Variants in RBPMS observed in about 807,000 individuals in gnomAD.
The protein encoded by RBPMS is RNA-binding protein with multiple splicing.
In RBPMS, 7 loss-of-function variants were observed where a neutral mutation model predicts 26.8. The ratio of observed to expected loss-of-function variants is 0.26; its 90% confidence interval spans 0.15 to 0.49. RBPMS has a LOEUF of 0.49. Ranked by LOEUF, RBPMS falls within the 20% of genes least tolerant of loss-of-function variation. The pLI is 0.98. For synonymous variants in RBPMS, 96 were observed against 93.3 expected (o/e 1.03, Z -0.17); for missense variants, 186 against 250.0 (o/e 0.74, Z 1.73).
At chr8:30,477,702 G>C (rs1055351333) in intron 2 of RBPMS, 97 bp from the exon 3 acceptor site, 2 of 815,168 alleles carry the variant, frequency 2.5e-6, no homozygotes, top group Non-Finnish European at 4.2e-6. Context: ...ACATTTGTAG[G>C]AGGAGTTAGG....
At chr8:30,471,355 T>C (rs1034560970) in intron 1 of RBPMS, among the ~76,000 whole-genome samples, 3 of 152,202 alleles carry the variant, frequency 2.0e-5, no homozygotes, top group African/African-American at 7.2e-5. Context: ...AGATTTCAAG[T>C]AACCTCTGTT....
chr8:30,512,283 T>C (rs1200087005), intron 5 of RBPMS, among the ~76,000 whole-genome samples: 1 of 152,162 alleles, frequency 6.6e-6, no homozygotes, highest in Non-Finnish European at 1.5e-5. Context: ...TTTGTTTTTG[T>C]TTATTTTATA....
intron 5 of RBPMS, among the ~76,000 whole-genome samples, chr8:30,522,581 A>G (rs1007141044): frequency 6.6e-6 from 1 of 152,216 alleles, no homozygotes; most frequent in Non-Finnish European, 1.5e-5. Context: ...TTTAAACAAT[A>G]TATGTCAATT....
chr8:30,504,234 G>A, intron 4 of RBPMS, 52 bp from the exon 5 acceptor site: 1 of 1,606,112 alleles, frequency 6.2e-7, no homozygotes, highest in South Asian at 1.1e-5. Context: ...CACCATTCCG[G>A]TTTGACTCAA....
intron 3 of RBPMS, 126 bp downstream of exon 3, chr8:30,477,963 T>C (rs1817874297): frequency 1.5e-6 from 1 of 662,448 alleles, no homozygotes; most frequent in Non-Finnish European, 2.6e-6. Flanking sequence ...AAATTAAAAG[T>C]GAGATGTATT....
chr8:30,445,229 C>G (rs1442934419), intron 1 of RBPMS: 1 of 152,054 alleles, frequency 6.6e-6, no homozygotes, highest in Non-Finnish European at 1.5e-5. Flanking sequence ...CACATATTTA[C>G]CCAGTCTAAG....
At chr8:30,541,882 C>T (rs1456567763) in intron 5 of RBPMS, among the ~76,000 whole-genome samples, 1 of 152,196 alleles carries the variant, frequency 6.6e-6, no homozygotes, top group Non-Finnish European at 1.5e-5. Flanking sequence ...ACGCAAAAAG[C>T]TTATTCTGCT....
chr8:30,409,822 G>A (rs538720089), intron 1 of RBPMS, among the ~76,000 whole-genome samples: 1 of 151,738 alleles, frequency 6.6e-6, no homozygotes, highest in Non-Finnish European at 1.5e-5. Flanking sequence ...TAGTAGAGAC[G>A]GGGTTTCACC....
intron 1 of RBPMS, among the ~76,000 whole-genome samples, chr8:30,426,668 T>G (rs1416730771): frequency 1.3e-5 from 2 of 151,402 alleles, no homozygotes; most frequent in Non-Finnish European, 2.9e-5. Flanking sequence ...TCACTTTGCT[T>G]GCAGTGATTT....
At chr8:30,566,516 G>A (rs1197083833) in intron 8 of RBPMS, among the ~76,000 whole-genome samples, 156 bp downstream of exon 8, 3 of 152,090 alleles carry the variant, frequency 2.0e-5, no homozygotes, top group East Asian at 3.9e-4. Flanking sequence ...GCTCCAACAC[G>A]GCCTGCCAGG....
chr8:30,561,826 T>C, intron 7 of RBPMS: 1 of 983,094 alleles, frequency 1.0e-6, no homozygotes, highest in Non-Finnish European at 1.2e-6. Context: ...CCTTAAGAAT[T>C]TATGTAGGCC....
intron 1 of RBPMS, among the ~76,000 whole-genome samples, chr8:30,464,916 G>C (rs576912446): frequency 2.0e-5 from 3 of 152,028 alleles, no homozygotes; most frequent in Admixed American, 6.6e-5. Context: ...TACACCTTAG[G>C]GCATTAGAAT....
chr8:30,436,648 T>C (rs913702662), intron 1 of RBPMS, among the ~76,000 whole-genome samples: 3 of 152,222 alleles, frequency 2.0e-5, no homozygotes, highest in Non-Finnish European at 4.4e-5. Context: ...AGGACTGCAA[T>C]AGTTTTCTCA....
chr8:30,564,132 T>C (rs1358535225), intron 7 of RBPMS: 1 of 152,166 alleles, frequency 6.6e-6, no homozygotes, highest in Non-Finnish European at 1.5e-5. Flanking sequence ...TGCTTCAAGT[T>C]AGCAAAGCAG....
chr8:30,534,007 G>T lies in RBPMS; in HGVS notation c.398-10487G>T, dbSNP rs1824537583. On this transcript the variant is annotated intron_variant, in intron 5 of 8. Coordinates refer to ENST00000397323, the MANE Select transcript of RBPMS (RefSeq NM_001008710.3). ...AAATTAGCTGGGTGTGGTGGTGGGC[G>T]CCTGTAATCCCAGCTACTCGGGATG... 2.0e-5 allele frequency among the ~76,000 whole-genome samples: 3 copies of T among 152,156 alleles called. No individual in the cohort carries two copies. In the South Asian group the frequency reaches 6.2e-4, roughly 32 times the overall value.
At chr8:30,474,361 A>G (rs1260939982) in intron 1 of RBPMS, among the ~76,000 whole-genome samples, 1 of 152,160 alleles carries the variant, frequency 6.6e-6, no homozygotes, top group African/African-American at 2.4e-5. Context: ...GGAGTGGCAG[A>G]TTTACTGTGC....
At chr8:30,388,122 T>C (rs1238002997) in intron 1 of RBPMS, among the ~76,000 whole-genome samples, 2 of 152,172 alleles carry the variant, frequency 1.3e-5, no homozygotes, top group Admixed American at 6.5e-5. Flanking sequence ...CAATGTATTA[T>C]ACATGTGTGT....
intron 1 of RBPMS, among the ~76,000 whole-genome samples, chr8:30,451,753 G>A (rs1332460555): frequency 6.6e-6 from 1 of 152,122 alleles, no homozygotes. Context: ...TTTCATTCAT[G>A]GAGACATTTA....
intron 1 of RBPMS, among the ~76,000 whole-genome samples, chr8:30,409,950 T>G (rs1169134878): frequency 6.6e-6 from 1 of 152,164 alleles, no homozygotes; most frequent in African/African-American, 2.4e-5. Context: ...TTCTTTTATG[T>G]GTCTACGTGT....
Sources: allele counts gnomAD v4.1 joint callset (sites outside exome capture counted in the v4.1 genomes callset), GRCh38; gene constraint gnomAD v4.1.1; transcripts MANE v1.5; gene names NCBI Gene and HGNC (gene_info 2026-07-23, HGNC 2026-07-21).